The following MAP2K1 variants were observed in gnomAD, a reference collection of about 807,000 sequenced individuals.
MAP2K1 encodes the protein mitogen-activated protein kinase kinase 1.
Under a neutral mutation model 46.3 loss-of-function variants are expected in MAP2K1, and 16 were observed. The observed-to-expected ratio is 0.35, with a 90% CI of 0.23 to 0.52. The LOEUF (loss-of-function observed/expected upper bound fraction) is 0.52, where lower values mean the gene tolerates loss of function less well. MAP2K1 is among the 20% of genes least tolerant of loss of function. MAP2K1 has a pLI of 0.94. For missense variants in MAP2K1, 263 were observed against 497.1 expected (o/e 0.53, Z 4.48); for synonymous variants, 183 against 185.6 (o/e 0.99, Z 0.11).
intron 1 of MAP2K1, among the ~76,000 whole-genome samples, chr15:66,424,547 A>G (rs1407194791): frequency 6.6e-6 from 1 of 152,092 alleles, no homozygotes; most frequent in Non-Finnish European, 1.5e-5. Context: ...ACATGCTTCA[A>G]ATTTCTCCAG....
intron 1 of MAP2K1, among the ~76,000 whole-genome samples, chr15:66,424,791 C>CTTTTTTT (rs58738231): frequency 2.9e-4 from 24 of 82,150 alleles, no homozygotes; most frequent in Non-Finnish European, 4.3e-4. Flanking sequence ...CAATCTCAAT[C>CTTTTTTT]TTTTTTTTTT....
At chr15:66,400,361 T>C (rs566767680) in intron 1 of MAP2K1, among the ~76,000 whole-genome samples, 1 of 152,262 alleles carries the variant, frequency 6.6e-6, no homozygotes, top group South Asian at 2.1e-4. Flanking sequence ...TTTGGAACTT[T>C]TTGCTAGCAT....
chr15:66,392,254 G>GTTTTTTTTTTTTTTTTTTTTTT (rs374203054), intron 1 of MAP2K1, among the ~76,000 whole-genome samples: 1 of 79,664 alleles, frequency 1.3e-5, no homozygotes, highest in African/African-American at 4.7e-5. Flanking sequence ...GTTTTTTTTG[G>GTTTTTTTTTTTTTTTTTTTTTT]GTTTTTTTTT....
chr15:66,398,605 T>C (rs1256085049), intron 1 of MAP2K1, among the ~76,000 whole-genome samples: 2 of 150,524 alleles, frequency 1.3e-5, no homozygotes, highest in Non-Finnish European at 3.0e-5. Flanking sequence ...TTAGCTATGA[T>C]TGTACCACTG....
chr15:66,429,447 G>A (rs1258577136), intron 1 of MAP2K1, among the ~76,000 whole-genome samples: 1 of 152,116 alleles, frequency 6.6e-6, no homozygotes, highest in Non-Finnish European at 1.5e-5. Flanking sequence ...GATTTGGGTG[G>A]GAACGCAGAG....
At chr15:66,479,794 G>A (rs979814125) in intron 5 of MAP2K1, among the ~76,000 whole-genome samples, 16 of 152,210 alleles carry the variant, frequency 1.1e-4, no homozygotes, top group Admixed American at 6.5e-5. Flanking sequence ...GCAGAGAGAG[G>A]CTAGAGCTGG....
intron 5 of MAP2K1, among the ~76,000 whole-genome samples, chr15:66,448,769 C>T (rs189474321): frequency 6.6e-6 from 1 of 151,952 alleles, no homozygotes; most frequent in Admixed American, 6.6e-5. Context: ...TTGGGGAGGC[C>T]GAGGTGGGTG....
intron 5 of MAP2K1, among the ~76,000 whole-genome samples, chr15:66,448,593 C>A (rs1891942405): frequency 6.6e-6 from 1 of 152,242 alleles, no homozygotes; most frequent in African/African-American, 2.4e-5. Flanking sequence ...TGAAAGATTT[C>A]TGTCCATGGC....
chr15:66,455,886 G>T (rs1452052303), intron 5 of MAP2K1, among the ~76,000 whole-genome samples: 1 of 152,156 alleles, frequency 6.6e-6, no homozygotes, highest in Non-Finnish European at 1.5e-5. Context: ...TATTTCCCCT[G>T]GGTGTTCAAA....
At chr15:66,463,675 G>C (rs1268151509) in intron 5 of MAP2K1, among the ~76,000 whole-genome samples, 2 of 152,206 alleles carry the variant, frequency 1.3e-5, no homozygotes, top group East Asian at 3.8e-4. Flanking sequence ...GTAGAAATGG[G>C]GTTTCACCAT....
Position 66,443,271 on chromosome 15 carries a change from C to A in MAP2K1, c.439-9C>A. 1 of 1,580,596 alleles carries A rather than the reference C, an allele frequency of 6.3e-7. No homozygotes were observed. Among genetic ancestry groups the A allele is most frequent in the South Asian group, 1.1e-5 (1 of 90,390 alleles). ...TTGTCACTAACTGGTCTGGTATTCT[C>A]GATCTTAGGATGGAGGTTCTCTGGA... On this transcript the variant is annotated splice_polypyrimidine_tract_variant and intron_variant, in intron 3 of 10. Transcript: ENST00000307102.
At chr15:66,424,114 A>G (rs1411929566) in intron 1 of MAP2K1, among the ~76,000 whole-genome samples, 2 of 151,268 alleles carry the variant, frequency 1.3e-5, no homozygotes, top group Admixed American at 6.6e-5. Context: ...CTGGAGTGCA[A>G]TGGTACTGTC....
At chr15:66,409,590 C>T (rs1236298688) in intron 1 of MAP2K1, among the ~76,000 whole-genome samples, 1 of 152,154 alleles carries the variant, frequency 6.6e-6, no homozygotes, top group Non-Finnish European at 1.5e-5. Flanking sequence ...CTCAGCTCTG[C>T]AAATCACATT....
chr15:66,475,149 T>G (rs773185260), intron 5 of MAP2K1, among the ~76,000 whole-genome samples: 1 of 152,166 alleles, frequency 6.6e-6, no homozygotes, highest in Non-Finnish European at 1.5e-5. Context: ...TTTAATTATC[T>G]CTGCTACTTA....
In MAP2K1 at chr15:66,396,592, A is replaced by T. The variant is rs574358845; in HGVS notation, c.80+9165A>T. Among the ~76,000 whole-genome samples, 4 of 151,754 alleles carry T rather than the reference A, an allele frequency of 2.6e-5. No individual in the cohort carries two copies. In the East Asian group the frequency reaches 7.9e-4, roughly 30 times the overall value. On this transcript the variant is annotated intron_variant, in intron 1 of 10. Coordinates refer to ENST00000307102, the MANE Select transcript of MAP2K1 (RefSeq NM_002755.4). The stretch of plus-strand genomic sequence containing the variant: ...CCCCGGATGGTACCGATCTTTCAAG[A>T]TCTTACATAAAGCTTATCTCCAATG...
chr15:66,490,508 GCTTT>G lies in MAP2K1; in HGVS notation c.1076_1079del (p.Ala359ValfsTer74). ...CTCGTTTCCTTACATGCAGGTTCAT[GCTTT>G]TATCAAGAGATCTGATGCTGAGGAA... is the stretch of plus-strand genomic sequence containing the variant. On this transcript the variant is annotated frameshift_variant, in exon 11 of 11. Coordinates refer to ENST00000307102, the MANE Select transcript of MAP2K1 (RefSeq NM_002755.4). LOFTEE classifies it high-confidence loss of function. 6.2e-7 allele frequency: 1 copy of G among 1,612,026 alleles called. No homozygotes were observed. The highest frequency in any genetic ancestry group is 8.5e-7 in the Non-Finnish European group (1 of 1,178,070).
chr15:66,392,501 C>T (rs1361776159), intron 1 of MAP2K1, among the ~76,000 whole-genome samples: 8 of 150,410 alleles, frequency 5.3e-5, no homozygotes, highest in Admixed American at 4.6e-4. Context: ...TGAACAGAAG[C>T]AATGACCATC....
chr15:66,452,664 A>G (rs1019415821), intron 5 of MAP2K1, among the ~76,000 whole-genome samples: 4 of 152,208 alleles, frequency 2.6e-5, no homozygotes, highest in Admixed American at 1.3e-4. Flanking sequence ...GCATCCCATC[A>G]TCTGTGAAGT....
intron 8 of MAP2K1, 116 bp from the exon 9 acceptor site, chr15:66,489,099 C>T: frequency 1.2e-6 from 1 of 813,036 alleles, no homozygotes; most frequent in Non-Finnish European, 2.1e-6. Context: ...TGCCTTTGGA[C>T]TGCAGAGAAG....
Sources: allele counts gnomAD v4.1 joint callset (sites outside exome capture counted in the v4.1 genomes callset), GRCh38; gene constraint gnomAD v4.1.1; transcripts MANE v1.5; gene names NCBI Gene and HGNC (gene_info 2026-07-23, HGNC 2026-07-21).